The following LRRIQ3 variants were observed in gnomAD, a reference collection of about 807,000 sequenced individuals.
The protein encoded by LRRIQ3 is leucine rich repeats and IQ motif containing 3, also known as leucine-rich repeat and IQ domain-containing protein 3.
LRRIQ3 carries 75 observed loss-of-function variants against 59.3 expected under a neutral mutation model. The observed-to-expected ratio is 1.26, with a 90% CI of 1.05 to 1.53. The LOEUF is 1.53. Among genes scored for constraint, LRRIQ3 ranks in the 40% most tolerant of loss-of-function variants. The probability of loss-of-function intolerance (pLI) is 0.00; values close to 1 mark genes in which losing one functional copy is unlikely to be tolerated. For synonymous variants in LRRIQ3, 250 were observed against 231.3 expected (o/e 1.08, Z -0.73); for missense variants, 831 against 710.0 (o/e 1.17, Z -1.94).
At chr1:74,106,890 C>G (rs192354752) in intron 5 of LRRIQ3, among the ~76,000 whole-genome samples, 5 of 152,090 alleles carry the variant, frequency 3.3e-5, no homozygotes, top group Non-Finnish European at 7.4e-5. Flanking sequence ...CACAACCACG[C>G]TTTAATACCT....
intron 5 of LRRIQ3, among the ~76,000 whole-genome samples, chr1:74,085,492 T>C (rs537797967): frequency 6.6e-6 from 1 of 152,016 alleles, no homozygotes; most frequent in South Asian, 2.1e-4. Context: ...TTTCCCCTAA[T>C]ACTAAAAGTG....
intron 5 of LRRIQ3, among the ~76,000 whole-genome samples, chr1:74,099,148 T>C (rs1646493265): frequency 6.6e-6 from 1 of 152,046 alleles, no homozygotes; most frequent in Non-Finnish European, 1.5e-5. Flanking sequence ...ATAAAATTGA[T>C]AGACCACTAG....
intron 6 of LRRIQ3, among the ~76,000 whole-genome samples, chr1:74,059,975 C>T (rs1053123246): frequency 6.6e-5 from 10 of 151,630 alleles, no homozygotes; most frequent in African/African-American, 2.2e-4. Context: ...TCAAATTATT[C>T]GCTATATAAT....
At chr1:74,141,641 T>C (rs1009158317) in intron 4 of LRRIQ3, among the ~76,000 whole-genome samples, 27 of 151,962 alleles carry the variant, frequency 1.8e-4, no homozygotes, top group African/African-American at 6.3e-4. Context: ...TTTTTATTTC[T>C]AAATATGTAT....
intron 5 of LRRIQ3, among the ~76,000 whole-genome samples, chr1:74,078,340 C>T (rs1308739751): frequency 2.0e-5 from 3 of 151,750 alleles, no homozygotes; most frequent in East Asian, 1.9e-4. Context: ...AAAAGAAATG[C>T]TTGCTACCTT....
At chr1:74,183,793 G>T (rs1352985861) in intron 1 of LRRIQ3, 109 bp from the exon 2 acceptor site, 3 of 931,616 alleles carry the variant, frequency 3.2e-6, no homozygotes, top group East Asian at 6.0e-5. Context: ...TGTTATTAAA[G>T]TTAAAATTTA....
chr1:74,068,759 A>C (rs1472678203), intron 6 of LRRIQ3, among the ~76,000 whole-genome samples: 1 of 151,998 alleles, frequency 6.6e-6, no homozygotes, highest in Non-Finnish European at 1.5e-5. Flanking sequence ...CATCTGGAGT[A>C]ATTTAGTTGA....
At chr1:74,193,375 G>A (rs1650894669) in intron 1 of LRRIQ3, among the ~76,000 whole-genome samples, 1 of 151,990 alleles carries the variant, frequency 6.6e-6, no homozygotes, top group Non-Finnish European at 1.5e-5. Context: ...ATCAACTAAA[G>A]TACCAATTTA....
intron 1 of LRRIQ3, among the ~76,000 whole-genome samples, chr1:74,191,277 G>T (rs1054504566): frequency 6.6e-6 from 1 of 152,066 alleles, no homozygotes; most frequent in African/African-American, 2.4e-5. Context: ...TGGTAGGCCT[G>T]CCTTGTAAGA....
At chr1:74,088,820 G>A (rs1178080273) in intron 5 of LRRIQ3, among the ~76,000 whole-genome samples, 3 of 151,720 alleles carry the variant, frequency 2.0e-5, no homozygotes, top group East Asian at 3.9e-4. Flanking sequence ...ATAAATGTAA[G>A]TTTACCAAAA....
At chr1:74,046,360 G>T (rs1275789388) in intron 6 of LRRIQ3, among the ~76,000 whole-genome samples, 1 of 152,130 alleles carries the variant, frequency 6.6e-6, no homozygotes, top group African/African-American at 2.4e-5. Flanking sequence ...AATGGGGAAA[G>T]GGTACCCTAA....
At chr1:74,100,891 CT>C in intron 5 of LRRIQ3, among the ~76,000 whole-genome samples, 1 of 152,188 alleles carries the variant, frequency 6.6e-6, no homozygotes, top group East Asian at 1.9e-4. Context: ...TTCCTTACAC[CT>C]TATACAAAAA....
intron 4 of LRRIQ3, among the ~76,000 whole-genome samples, chr1:74,119,811 C>T (rs1646827446): frequency 6.6e-6 from 1 of 152,028 alleles, no homozygotes; most frequent in Non-Finnish European, 1.5e-5. Context: ...CCAATAAAAT[C>T]ATATATCGAT....
intron 4 of LRRIQ3, among the ~76,000 whole-genome samples, chr1:74,129,718 G>A (rs775384745): frequency 6.6e-6 from 1 of 152,012 alleles, no homozygotes; most frequent in East Asian, 1.9e-4. Context: ...ATGTCTCTCA[G>A]TCTCAACCAA....
chr1:74,197,788 T>TGG (rs1200614735), intron 1 of LRRIQ3, among the ~76,000 whole-genome samples: 1 of 151,986 alleles, frequency 6.6e-6, no homozygotes, highest in African/African-American at 2.4e-5. Flanking sequence ...GACCCAGGGT[T>TGG]GGGGGCAGAT....
intron 5 of LRRIQ3, among the ~76,000 whole-genome samples, chr1:74,100,691 G>A (rs1646517122): frequency 6.6e-6 from 1 of 152,152 alleles, no homozygotes; most frequent in African/African-American, 2.4e-5. Flanking sequence ...AAACAGCATG[G>A]TACTGGTACC....
Position 74,099,000 on chromosome 1 carries a change from G to A in LRRIQ3, c.867+10394C>T, listed in dbSNP as rs890100566. Among the ~76,000 whole-genome samples, 9 of 152,108 alleles carry A rather than the reference G, an allele frequency of 5.9e-5. No individual in the cohort carries two copies. In the East Asian group the frequency reaches 1.4e-3, roughly 23 times the overall value. Reference sequence around the variant, plus strand: ...GAACATCACAATGAAAAGAACTAGAGAAGCAAGAGCAAACACATTCAAAAG... The same window carrying A: ...GAACATCACAATGAAAAGAACTAGAAAAGCAAGAGCAAACACATTCAAAAG... On this transcript the variant is annotated intron_variant, in intron 5 of 7. Transcript: ENST00000354431.
intron 5 of LRRIQ3, chr1:74,083,456 T>A (rs1299141763): frequency 7.9e-5 from 1 of 12,608 alleles, no homozygotes; most frequent in Non-Finnish European, 1.6e-4. Flanking sequence ...CAGAATCTTG[T>A]ATATTTTATT....
At chr1:74,142,562 A>C (rs1647305070) in intron 4 of LRRIQ3, among the ~76,000 whole-genome samples, 1 of 151,986 alleles carries the variant, frequency 6.6e-6, no homozygotes, top group Non-Finnish European at 1.5e-5. Context: ...TAACAGATAT[A>C]AGGCTGACTG....
Sources: allele counts gnomAD v4.1 joint callset (sites outside exome capture counted in the v4.1 genomes callset), GRCh38; gene constraint gnomAD v4.1.1; transcripts MANE v1.5; gene names NCBI Gene and HGNC (gene_info 2026-07-23, HGNC 2026-07-21).